CHM: variants seen among roughly 807,000 people sequenced by gnomAD.
CHM encodes rab proteins geranylgeranyltransferase component A 1.
In CHM, 10 loss-of-function variants were observed where a neutral mutation model predicts 49.0. That is an observed-to-expected ratio of 0.20 (90% confidence interval 0.13 to 0.35). The LOEUF is 0.35. Ranked by LOEUF, CHM falls within the 10% of genes least tolerant of loss-of-function variation. The probability of loss-of-function intolerance (pLI) is 1.00; values close to 1 mark genes in which losing one functional copy is unlikely to be tolerated. For synonymous variants in CHM, 184 were observed against 167.5 expected, an observed-to-expected ratio of 1.10 and a Z score of -0.76; for missense variants, 455 against 478.4, an observed-to-expected ratio of 0.95 and a Z score of 0.46.
intron 1 of CHM, among the ~76,000 whole-genome samples, chrX:86,028,606 G>C (rs1267579622): frequency 9.0e-6 from 1 of 111,557 alleles, no homozygotes; most frequent in African/African-American, 3.3e-5. Context: ...ATTAAAAATT[G>C]CCAAAGATAA....
intron 2 of CHM, among the ~76,000 whole-genome samples, chrX:85,984,088 G>C (rs1294590216): frequency 9.1e-6 from 1 of 110,357 alleles, no homozygotes; most frequent in Non-Finnish European, 1.9e-5. Context: ...TGTAGTCCCA[G>C]CTACTCAGGA....
At chrX:85,972,866 G>C (rs1409280386) in intron 4 of CHM, among the ~76,000 whole-genome samples, 3 of 112,487 alleles carry the variant, frequency 2.7e-5, no homozygotes, top group Non-Finnish European at 5.6e-5. Flanking sequence ...CCAGGCAGAG[G>C]AGGCGCCGAG....
At chrX:85,902,155 G>T (rs1168689169) in intron 9 of CHM, among the ~76,000 whole-genome samples, 1 of 111,717 alleles carries the variant, frequency 9.0e-6, no homozygotes, top group African/African-American at 3.3e-5. Context: ...TTGGGGAACA[G>T]AATTATTTTA....
intron 8 of CHM, among the ~76,000 whole-genome samples, chrX:85,934,837 T>C (rs1928687859): frequency 9.0e-6 from 1 of 111,227 alleles, no homozygotes; most frequent in East Asian, 2.8e-4. Context: ...AATAAGAAGG[T>C]AATATACCTT....
intron 8 of CHM, among the ~76,000 whole-genome samples, chrX:85,933,014 T>C (rs1236014582): frequency 4.5e-5 from 5 of 111,110 alleles, no homozygotes; most frequent in Non-Finnish European, 9.4e-5. Flanking sequence ...GTCTCTCAAT[T>C]TGTTAGGCAT....
chrX:85,879,775 C>A (rs1371334101), intron 12 of CHM, among the ~76,000 whole-genome samples: 1 of 110,494 alleles, frequency 9.1e-6, no homozygotes, highest in Admixed American at 9.7e-5. Flanking sequence ...AAAGGGACCT[C>A]CAAATGACAG....
rs772788181 is a variant in CHM at position 85,931,947 on chromosome X, T to A, written c.1167-20609A>T. 3.6e-5 allele frequency among the ~76,000 whole-genome samples: 4 copies of A among 112,544 alleles called. No individual in the cohort carries two copies. The East Asian group carries it at 1.1e-3, about 31-fold the overall frequency. ...TGCTTTGCTGCTTTCAGTGTCCTCA[T>A]TTTTACTAGCTTGATTTCTGATAGT... On this transcript the variant is annotated intron_variant, in intron 8 of 14. Coordinates refer to ENST00000357749, the MANE Select transcript of CHM (RefSeq NM_000390.4).
chrX:85,991,056 A>G (rs930910650), intron 2 of CHM, among the ~76,000 whole-genome samples: 3 of 111,870 alleles, frequency 2.7e-5, no homozygotes, highest in Non-Finnish European at 3.8e-5. Context: ...ATGGGATCCA[A>G]GGTTGCTCGA....
At chrX:85,892,936 A>G (rs1010131896) in intron 12 of CHM, among the ~76,000 whole-genome samples, 2 of 111,605 alleles carry the variant, frequency 1.8e-5, no homozygotes, top group African/African-American at 6.5e-5. Flanking sequence ...ATTTTTTTCT[A>G]GTTAATGATA....
intron 2 of CHM, among the ~76,000 whole-genome samples, chrX:86,011,147 A>G (rs1234262337): frequency 8.9e-6 from 1 of 111,886 alleles, no homozygotes; most frequent in Non-Finnish European, 1.9e-5. Flanking sequence ...ATATAGACAT[A>G]TAAGACATGA....
chrX:85,998,230 G>C (rs760941524), intron 2 of CHM, among the ~76,000 whole-genome samples: 7 of 111,540 alleles, frequency 6.3e-5, no homozygotes, highest in African/African-American at 2.3e-4. Context: ...AAAAGAATGA[G>C]TAAATACACA....
At position 86,011,689 on chromosome X, in the gene CHM, A is replaced by G. The variant is rs1181089964; in HGVS notation, c.116+15802T>C. The stretch of plus-strand genomic sequence containing the variant: ...TGGCAAAAAGGATTTTGTTAATGCA[A>G]TTAAGGATCTTCACACGGGAAGATT... On this transcript the variant is annotated intron_variant, in intron 2 of 14. Transcript: ENST00000357749. Among the ~76,000 whole-genome samples, 3 of 111,853 alleles carry G rather than the reference A, an allele frequency of 2.7e-5. No individual in the cohort carries two copies. In the Admixed American group the frequency reaches 2.9e-4, roughly 11 times the overall value.
intron 2 of CHM, among the ~76,000 whole-genome samples, chrX:86,005,733 T>G (rs1302444371): frequency 8.9e-6 from 1 of 111,796 alleles, no homozygotes; most frequent in Admixed American, 9.5e-5. Flanking sequence ...AATCTCTGAA[T>G]AGACCAATAA....
At chrX:86,026,374 C>T (rs1933825573) in intron 2 of CHM, among the ~76,000 whole-genome samples, 1 of 108,811 alleles carries the variant, frequency 9.2e-6, no homozygotes, top group Admixed American at 9.9e-5. Flanking sequence ...TCAAGTGATC[C>T]GCCCACCTCA....
At chrX:86,012,257 C>T (rs771151806) in intron 2 of CHM, among the ~76,000 whole-genome samples, 2 of 111,142 alleles carry the variant, frequency 1.8e-5, no homozygotes, top group South Asian at 7.7e-4. Context: ...CATATTAAAC[C>T]CTCCAAAAAC....
Position 85,951,598 on chromosome X carries a change from C to T in CHM, c.1166+4555G>A, listed in dbSNP as rs146943243. Reference sequence around the variant, plus strand: ...CTAATCAGAATATATTTTAAAACTCCTACAAATCAATAAGACAACAACCCA... The same window carrying T: ...CTAATCAGAATATATTTTAAAACTCTTACAAATCAATAAGACAACAACCCA... On this transcript the variant is annotated intron_variant, in intron 8 of 14. Transcript: ENST00000357749. Among the ~76,000 whole-genome samples, 155 of 111,807 alleles carry T rather than the reference C, an allele frequency of 1.4e-3. No homozygotes were observed. In the Middle Eastern group the frequency reaches 0.014, roughly 10 times the overall value.
chrX:85,913,380 G>GAAAGA (rs1569411244), intron 8 of CHM, among the ~76,000 whole-genome samples: 2 of 94,718 alleles, frequency 2.1e-5, no homozygotes, highest in Non-Finnish European at 4.3e-5. Context: ...AAGAAAGAAA[G>GAAAGA]AAAGAAAAAA....
intron 1 of CHM, among the ~76,000 whole-genome samples, chrX:86,042,700 G>T (rs983467431): frequency 9.1e-6 from 1 of 110,361 alleles, no homozygotes; most frequent in African/African-American, 3.3e-5. Context: ...ATGCATGTCT[G>T]TAATCTCAGC....
intron 2 of CHM, among the ~76,000 whole-genome samples, chrX:86,011,271 T>A (rs1160389904): frequency 9.0e-6 from 1 of 111,366 alleles, no homozygotes; most frequent in Admixed American, 9.6e-5. Flanking sequence ...AGAGAAAAAT[T>A]GATACTACCG....
Sources: gnomAD v4.1 joint callset for allele counts (sites outside exome capture counted in the v4.1 genomes callset) on GRCh38, gnomAD v4.1.1 for gene constraint, MANE v1.5 for transcripts, NCBI Gene and HGNC (gene_info 2026-07-23, HGNC 2026-07-21) for gene names.